The following NFKBID variants were observed in gnomAD, a reference collection of about 807,000 sequenced individuals.
NFKBID encodes the protein NFKB inhibitor delta.
In NFKBID, 26 loss-of-function variants were observed where a neutral mutation model predicts 53.4. The ratio of observed to expected loss-of-function variants is 0.49; its 90% confidence interval spans 0.36 to 0.68. NFKBID has a LOEUF of 0.68. Ranked by LOEUF, NFKBID falls within the 30% of genes least tolerant of loss-of-function variation. The pLI is 0.00. For synonymous variants in NFKBID, 262 were observed against 259.8 expected, an observed-to-expected ratio of 1.01 and a Z score of -0.08; for missense variants, 493 against 614.1, an observed-to-expected ratio of 0.80 and a Z score of 2.08.
At position 35,896,438 on chromosome 19, in the gene NFKBID, G is replaced by A. The variant is rs772624677; in HGVS notation, c.785C>T (p.Ser262Leu). The change falls in exon 7 of 12, where the codon TCG (serine) becomes TTG (leucine). Residue 262 changes from serine (S) to leucine (L), a missense_variant. Around this residue, in one of 2 missense-constraint regions of NFKBID, gnomAD observed 267 missense variants for 384.6 expected, o/e 0.69. Transcript: ENST00000641389. This position sits in a 1 kb window ranked among gnomAD's most constrained non-coding sequence, Gnocchi z 5.7. ...GTAGGTAGCGGCCACGTGCAAGACC[G>A]AACGTCCCTGATGGTCAGCGGCATT... The A allele has an allele frequency of 1.5e-5, 24 of 1,614,062 alleles. No homozygotes were observed. Among genetic ancestry groups the A allele is most frequent in the African/African-American group, 2.7e-5 (2 of 74,928 alleles).
chr19:35,894,086 G>T (rs986750239), intron 9 of NFKBID, among the ~76,000 whole-genome samples: 1 of 151,420 alleles, frequency 6.6e-6, no homozygotes, highest in Non-Finnish European at 1.5e-5. Flanking sequence ...GGGAAACCCC[G>T]TCTCCATTAA....
Position 35,894,954 on chromosome 19 carries a change from T to C in NFKBID, c.1032+1026A>G, listed in dbSNP as rs190495126. Among the ~76,000 whole-genome samples the C allele has an allele frequency of 3.0e-3, 454 of 150,854 alleles. 4 individuals are homozygous for C. Among genetic ancestry groups the C allele is most frequent in the Non-Finnish European group, 3.1e-3 (213 of 67,630 alleles). On this transcript the variant is annotated intron_variant, in intron 9 of 11. Transcript: ENST00000641389. ...GTTGTGGTGAGCCGAGATCACACCATTGCACTCCAGCCTGGGCAACAAGAG... is the reference window on the plus strand; with the variant it reads ...GTTGTGGTGAGCCGAGATCACACCACTGCACTCCAGCCTGGGCAACAAGAG...
chr19:35,891,861 C>T (rs541157971), intron 9 of NFKBID, among the ~76,000 whole-genome samples: 40 of 150,204 alleles, frequency 2.7e-4, no homozygotes, highest in African/African-American at 7.1e-4. Context: ...AGTGAGACTC[C>T]GTCTCAAAAA....
exon 4 of NFKBID, chr19:35,897,718 A>G: frequency 6.2e-7 from 1 of 1,613,196 alleles, no homozygotes. Context: ...AGGAGGCAGG[A>G]AATTTTCGGC....
upstream of NFKBID, chr19:35,900,664 T>C (rs931062764): frequency 8.1e-7 from 1 of 1,228,320 alleles, no homozygotes; most frequent in African/African-American, 1.6e-5. Flanking sequence ...AGTCCCTGAA[T>C]GGGCGCGGCG....
At chr19:35,899,781 C>G (rs1975444849) in intron 1 of NFKBID, 1 of 152,136 alleles carries the variant, frequency 6.6e-6, no homozygotes, top group South Asian at 2.1e-4. Context: ...GGAGGTGGCT[C>G]GGAAACAGCC....
At chr19:35,891,049 C>T (rs1412046905) in intron 9 of NFKBID, among the ~76,000 whole-genome samples, 1 of 152,304 alleles carries the variant, frequency 6.6e-6, no homozygotes, top group Non-Finnish European at 1.5e-5. Context: ...GAGAAAGAGA[C>T]TCCTTTTCCA....
At chr19:35,889,649 A>C (rs1466249717) in intron 11 of NFKBID, among the ~76,000 whole-genome samples, 4 of 152,204 alleles carry the variant, frequency 2.6e-5, no homozygotes, top group Non-Finnish European at 1.5e-5. Context: ...CAGGGTTGGA[A>C]GTACAGGTCA....
At chr19:35,897,117 G>C (rs765722114) in intron 4 of NFKBID, 59 bp from the exon 5 acceptor site, 3 of 1,550,718 alleles carry the variant, frequency 1.9e-6, no homozygotes, top group East Asian at 2.3e-5. Flanking sequence ...GAGGGTGCAG[G>C]TGGTGGGGAG....
chr19:35,902,006 C>T (rs1975579477), upstream of NFKBID: 1 of 610,916 alleles, frequency 1.6e-6, no homozygotes, highest in Non-Finnish European at 2.9e-6. Context: ...GTGATCTCAC[C>T]CAGTCTTGTG....
exon 12 of NFKBID, chr19:35,888,321 G>T: frequency 1.9e-6 from 1 of 535,860 alleles, no homozygotes; most frequent in Non-Finnish European, 3.4e-6. Flanking sequence ...AAACAATCAA[G>T]GGGCCTCGAT....
In NFKBID at chr19:35,896,022, A is replaced by G. The variant is rs1975115110; in HGVS notation, c.990T>C (p.Cys330=). The G allele has an allele frequency of 3.7e-6, 6 of 1,614,084 alleles. No homozygotes were observed. Among genetic ancestry groups the G allele is most frequent in the Non-Finnish European group, 5.1e-6 (6 of 1,180,032 alleles). ...CACCCATTTGCAGCAACATGTGGAC[A>G]CAATCCAGCCTGTCTCGGGCCTGTG... is the stretch of plus-strand genomic sequence containing the variant. Residue 330 remains cysteine (C), a synonymous_variant, in exon 9 of 12, where the codon TGT becomes TGC. Transcript: ENST00000641389. This position sits in a 1 kb window ranked among gnomAD's most constrained non-coding sequence, Gnocchi z 5.7.
exon 4 of NFKBID, chr19:35,897,770 C>G: frequency 3.1e-6 from 5 of 1,609,734 alleles, no homozygotes; most frequent in Non-Finnish European, 4.2e-6. Context: ...GTGTAGGCAG[C>G]ATGCGTGTTG....
At chr19:35,900,830 T>TC (rs202037201), upstream of NFKBID, among the ~76,000 whole-genome samples, 2,852 of 133,306 alleles carry the variant, frequency 0.021, 87 homozygotes, top group African/African-American at 0.075. Flanking sequence ...TTCTTTTCTT[T>TC]TTTTTTTTTT....
At position 35,896,536 on chromosome 19, in the gene NFKBID, G is replaced by C; in HGVS notation, c.687C>G (p.Thr229=). The C allele has an allele frequency of 6.2e-7, 1 of 1,613,934 alleles. No individual in the cohort carries two copies. Among genetic ancestry groups the C allele is most frequent in the Non-Finnish European group, 8.5e-7 (1 of 1,179,868 alleles). The change falls in exon 7 of 12, where the codon ACC becomes ACG. Residue 229 remains threonine, a splice_region_variant and synonymous_variant. Coordinates refer to ENST00000641389, the Ensembl canonical transcript of NFKBID. The surrounding 1 kb of genome is among the most constrained non-coding windows in gnomAD (Gnocchi z 5.7). ...TGGCAGCAGCCGCCACCAGGAGAGG[G>C]GTCTGCAGGCCACAGGAGAAGTCAG...
intron 11 of NFKBID, among the ~76,000 whole-genome samples, chr19:35,888,883 CAG>C (rs1974558305): frequency 6.6e-6 from 1 of 152,144 alleles, no homozygotes; most frequent in East Asian, 1.9e-4. Context: ...CCGCCTCTAC[CAG>C]AGATACAAAA....
At chr19:35,897,698 G>A in exon 4 of NFKBID, 1 of 1,611,408 alleles carries the variant, frequency 6.2e-7, no homozygotes, top group Non-Finnish European at 8.5e-7. Context: ...TCCGAGGGTG[G>A]GTAGAAGTCA....
chr19:35,893,005 A>G (rs1974880813), intron 9 of NFKBID, among the ~76,000 whole-genome samples: 2 of 152,132 alleles, frequency 1.3e-5, no homozygotes, highest in Admixed American at 1.3e-4. Flanking sequence ...CCTCTCTACA[A>G]AAAATATAAA....
intron 11 of NFKBID, 41 bp downstream of exon 11, chr19:35,889,849 G>A: frequency 6.4e-7 from 1 of 1,564,014 alleles, no homozygotes; most frequent in Non-Finnish European, 8.7e-7. Context: ...GCGCCCGCGA[G>A]CTCAGAGGCC....
Sources: gnomAD v4.1 joint callset for allele counts (sites outside exome capture counted in the v4.1 genomes callset) on GRCh38, gnomAD v4.1.1 for gene constraint, gnomAD v4.1.1 regional missense constraint, Gnocchi (gnomAD v3.1) non-coding constraint, MANE v1.5 for transcripts, NCBI Gene and HGNC (gene_info 2026-07-23, HGNC 2026-07-21) for gene names.